NKAIN2: variants seen among roughly 807,000 people sequenced by gnomAD.
NKAIN2 encodes the protein sodium/potassium transporting ATPase interacting 2.
A neutral mutation model predicts 32.6 loss-of-function variants in NKAIN2; 14 were observed. That is an observed-to-expected ratio of 0.43 (90% confidence interval 0.28 to 0.67). NKAIN2 has a LOEUF of 0.67. Among genes scored for constraint, NKAIN2 ranks in the 30% least tolerant of loss-of-function variants. The pLI, the probability that NKAIN2 is intolerant of heterozygous loss-of-function variation, is 0.17. For missense variants in NKAIN2, 198 were observed against 258.3 expected, an observed-to-expected ratio of 0.77 and a Z score of 1.60; for synonymous variants, 80 against 87.2, an observed-to-expected ratio of 0.92 and a Z score of 0.46.
chr6:124,396,638 G>T (rs1428924540), intron 3 of NKAIN2, among the ~76,000 whole-genome samples: 1 of 152,116 alleles, frequency 6.6e-6, no homozygotes, highest in African/African-American at 2.4e-5. Flanking sequence ...TGCTGATGGA[G>T]AGTATGTTTC....
intron 1 of NKAIN2, among the ~76,000 whole-genome samples, chr6:123,901,393 C>T (rs1311392633): frequency 1.3e-5 from 2 of 152,080 alleles, no homozygotes; most frequent in East Asian, 1.9e-4. Flanking sequence ...CTTAGAGCCT[C>T]AATGGCAGGA....
intron 3 of NKAIN2, among the ~76,000 whole-genome samples, chr6:124,552,848 C>G (rs1780341287): frequency 6.6e-6 from 1 of 152,222 alleles, no homozygotes; most frequent in Admixed American, 6.5e-5. Context: ...TAGTACACAA[C>G]TAGTAATTCA....
intron 3 of NKAIN2, among the ~76,000 whole-genome samples, chr6:124,612,816 A>T (rs1407404981): frequency 6.6e-6 from 1 of 152,176 alleles, no homozygotes; most frequent in Non-Finnish European, 1.5e-5. Context: ...ATTTCCAACT[A>T]TGTATCCTTA....
chr6:123,882,070 G>GAA (rs1174298511), intron 1 of NKAIN2, among the ~76,000 whole-genome samples: 6 of 152,094 alleles, frequency 3.9e-5, no homozygotes, highest in African/African-American at 1.4e-4. Context: ...AAATTAAAGA[G>GAA]ATTGTTAAAA....
At chr6:124,325,299 T>C (rs1797367024) in intron 2 of NKAIN2, among the ~76,000 whole-genome samples, 1 of 152,084 alleles carries the variant, frequency 6.6e-6, no homozygotes, top group Non-Finnish European at 1.5e-5. Flanking sequence ...ATTATATTGC[T>C]AGTGGGGATG....
chr6:124,118,333 C>T (rs1218963633), intron 1 of NKAIN2, among the ~76,000 whole-genome samples: 1 of 151,712 alleles, frequency 6.6e-6, no homozygotes, highest in African/African-American at 2.4e-5. Context: ...CAAATGAAGC[C>T]GAGATTAAAT....
chr6:123,946,118 C>T (rs566069959), intron 1 of NKAIN2, among the ~76,000 whole-genome samples: 1 of 152,196 alleles, frequency 6.6e-6, no homozygotes, highest in African/African-American at 2.4e-5. Context: ...GGAGGGTTAT[C>T]AGCTGCACAA....
chr6:124,144,187 A>G (rs532422714), intron 1 of NKAIN2, among the ~76,000 whole-genome samples: 1 of 152,210 alleles, frequency 6.6e-6, no homozygotes, highest in African/African-American at 2.4e-5. Flanking sequence ...TCTTGAATTT[A>G]TATATGAAAA....
chr6:124,735,783 G>A (rs1034361252), intron 4 of NKAIN2, among the ~76,000 whole-genome samples: 1 of 151,810 alleles, frequency 6.6e-6, no homozygotes, highest in Admixed American at 6.6e-5. Context: ...ATAAGATGGA[G>A]AACTTAATCA....
At chr6:124,720,676 G>T (rs552888660) in intron 4 of NKAIN2, among the ~76,000 whole-genome samples, 1 of 152,146 alleles carries the variant, frequency 6.6e-6, no homozygotes, top group African/African-American at 2.4e-5. Context: ...TGGAGATTCA[G>T]ATAGCCACAC....
chr6:124,013,959 G>A (rs1185791933), intron 1 of NKAIN2, among the ~76,000 whole-genome samples: 1 of 152,148 alleles, frequency 6.6e-6, no homozygotes, highest in Non-Finnish European at 1.5e-5. Context: ...CAGCACCTAG[G>A]TTTTAGTCTA....
At chr6:124,464,214 G>T (rs73580504) in intron 3 of NKAIN2, among the ~76,000 whole-genome samples, 141 of 152,098 alleles carry the variant, frequency 9.3e-4, no homozygotes, top group African/African-American at 3.1e-3. Flanking sequence ...TCTTGAACTT[G>T]TGACCTCAAG....
At chr6:124,756,271 C>T (rs1777960827) in intron 4 of NKAIN2, among the ~76,000 whole-genome samples, 1 of 152,176 alleles carries the variant, frequency 6.6e-6, no homozygotes. Context: ...TTCCTCATCT[C>T]TAACTGAAAG....
At chr6:124,158,767 A>C (rs1275127915) in intron 1 of NKAIN2, among the ~76,000 whole-genome samples, 2 of 152,200 alleles carry the variant, frequency 1.3e-5, no homozygotes, top group Non-Finnish European at 2.9e-5. Flanking sequence ...CTGCATTTAT[A>C]GTCCAGAACC....
chr6:124,141,047 T>G (rs1408121216), intron 1 of NKAIN2, among the ~76,000 whole-genome samples: 2 of 152,196 alleles, frequency 1.3e-5, no homozygotes, highest in Non-Finnish European at 2.9e-5. Context: ...TACTACCATA[T>G]GAGATTGCTG....
intron 1 of NKAIN2, among the ~76,000 whole-genome samples, chr6:124,179,331 C>A (rs966395654): frequency 1.3e-5 from 2 of 152,086 alleles, no homozygotes; most frequent in Non-Finnish European, 2.9e-5. Flanking sequence ...TGTTCTTCAG[C>A]TATTCTGTGT....
chr6:124,178,299 C>CCTT (rs1491272117), intron 1 of NKAIN2, among the ~76,000 whole-genome samples: 120 of 139,126 alleles, frequency 8.6e-4, no homozygotes, highest in African/African-American at 3.1e-3. Flanking sequence ...CGTACATTAA[C>CCTT]TTTTTTTTTT....
chr6:123,864,609 G>T (rs1233571880), intron 1 of NKAIN2, among the ~76,000 whole-genome samples: 1 of 152,142 alleles, frequency 6.6e-6, no homozygotes, highest in East Asian at 1.9e-4. Context: ...GGTGACATTT[G>T]AGCAAATCTG....
chr6:124,462,676 A>T (rs1353641695), intron 3 of NKAIN2, among the ~76,000 whole-genome samples: 3 of 152,042 alleles, frequency 2.0e-5, no homozygotes, highest in Non-Finnish European at 4.4e-5. Context: ...CCAAATTTTT[A>T]AAGTATTTTT....
Sources: gnomAD v4.1 joint callset for allele counts (sites outside exome capture counted in the v4.1 genomes callset) on GRCh38, gnomAD v4.1.1 for gene constraint, MANE v1.5 for transcripts, NCBI Gene and HGNC (gene_info 2026-07-23, HGNC 2026-07-21) for gene names.